The following SMIM15 variants were observed in gnomAD, a reference collection of about 807,000 sequenced individuals.
SMIM15 encodes the protein small integral membrane protein 15.
A neutral mutation model predicts 6.8 loss-of-function variants in SMIM15; 5 were observed. The ratio of observed to expected loss-of-function variants is 0.74; its 90% CI spans 0.39 to 1.56. SMIM15 has a LOEUF of 1.56. SMIM15 is among the 40% of genes most tolerant of loss of function. SMIM15 has a pLI of 0.03. For missense variants in SMIM15, 81 were observed against 84.8 expected, an observed-to-expected ratio of 0.96 and a Z score of 0.18; for synonymous variants, 30 against 30.8, an observed-to-expected ratio of 0.97 and a Z score of 0.09.
intron 2 of SMIM15, among the ~76,000 whole-genome samples, chr5:61,160,714 C>T (rs1490694487): frequency 6.6e-6 from 1 of 152,120 alleles, no homozygotes; most frequent in Non-Finnish European, 1.5e-5. Flanking sequence ...TGACTATTTC[C>T]CCGAATGGGA....
Position 61,162,343 on chromosome 5 carries a change from C to G in SMIM15, c.-295G>C, listed in dbSNP as rs1359045694. On this transcript the variant is annotated 5_prime_UTR_variant, in exon 1 of 3. Coordinates refer to ENST00000339020, the MANE Select transcript of SMIM15 (RefSeq NM_001048249.4). The surrounding 1 kb of genome is among the most constrained non-coding windows in gnomAD (Gnocchi z 4.4). Reference sequence around the variant, plus strand: ...CCTGGGTTGGCCCAGCCACACCTTGCGCCGCCGCCGTTTCTGCTGGACACC... The same window carrying G: ...CCTGGGTTGGCCCAGCCACACCTTGGGCCGCCGCCGTTTCTGCTGGACACC... 9.8e-5 allele frequency: 15 copies of G among 152,702 alleles called. No individual in the cohort carries two copies. The highest frequency in any genetic ancestry group is 2.2e-4 in the Non-Finnish European group (15 of 68,440). 9.5% of individuals were successfully genotyped at this position (152,702 alleles called of 1,614,324 possible).
rs1447371516 is a variant in SMIM15, at chr5:61,158,027, T to TACAC, written c.*1919_*1920insGTGT. ...CACACACACACACACACACACACTG[T>TACAC]AAAGTATGAATCTCACATATATAGA... On this transcript the variant is annotated 3_prime_UTR_variant, in exon 3 of 3. Coordinates refer to ENST00000339020, the MANE Select transcript of SMIM15 (RefSeq NM_001048249.4). The TACAC allele has an allele frequency of 1.8e-5, 1 of 56,984 alleles. No individual in the cohort carries two copies. Among genetic ancestry groups the TACAC allele is most frequent in the Non-Finnish European group, 3.9e-5 (1 of 25,696 alleles). The allele number at this position is 56,984 out of a possible 1,614,324, so 3.5% of individuals were successfully genotyped here.
At position 61,159,618 on chromosome 5, in the gene SMIM15, A is replaced by G. The variant is rs575375888; in HGVS notation, c.*329T>C. ...AATAGAGTTCATTTGAATTGAGTTC[A>G]TAATCTAAAGTCACTTTTCCCCACA... On this transcript the variant is annotated 3_prime_UTR_variant, in exon 3 of 3. Coordinates refer to ENST00000339020, the MANE Select transcript of SMIM15 (RefSeq NM_001048249.4). 1.8e-3 allele frequency: 522 copies of G among 294,480 alleles called. 2 individuals are homozygous for G. The highest frequency in any genetic ancestry group is 2.7e-3 in the Non-Finnish European group (415 of 155,936). The allele number at this position is 294,480 out of a possible 1,614,324, so 18.2% of individuals were successfully genotyped here.
At position 61,162,076 on chromosome 5, in the gene SMIM15, G is replaced by C. The variant is rs1338812383; in HGVS notation, c.-169+141C>G. On this transcript the variant is annotated intron_variant, in intron 1 of 2. Transcript: ENST00000339020. The surrounding 1 kb of genome is among the most constrained non-coding windows in gnomAD (Gnocchi z 4.4). ...AAATCCTACTCTTCCGCCCAAAACG[G>C]ATCGACCAGGCTCGATCTCCCAACC... 6.6e-6 allele frequency: 1 copy of C among 152,294 alleles called. No homozygotes were observed. Among genetic ancestry groups the C allele is most frequent in the East Asian group, 1.9e-4 (1 of 5,194 alleles). 9.4% of individuals were successfully genotyped at this position (152,294 alleles called of 1,614,324 possible).
chr5:61,160,319 G>C, intron 2 of SMIM15, 120 bp from the exon 3 acceptor site: 1 of 720,052 alleles, frequency 1.4e-6, no homozygotes, highest in Non-Finnish European at 2.3e-6. Context: ...TTATCACTCA[G>C]TTTGCTTTTT....
In SMIM15 at chr5:61,160,161, A is replaced by C. The variant is rs1170797031; in HGVS notation, c.11T>G (p.Ile4Arg). 9 of 1,613,616 alleles carry C rather than the reference A, an allele frequency of 5.6e-6. No homozygotes were observed. The highest frequency in any genetic ancestry group is 7.6e-6 in the Non-Finnish European group (9 of 1,179,818). MFD[I>R]KAWAEYVVEW... ...CACAACATACTCAGCCCAAGCCTTT[A>C]TATCAAACATCTTCACAGCAGTCTT... The change falls in exon 3 of 3, where the codon ATA becomes AGA. Residue 4 changes from isoleucine (I) to arginine (R), a missense_variant. Physicochemically the swap from Ile to Arg is moderately conservative, Grantham distance 97. Transcript: ENST00000339020.
chr5:61,160,855 C>G (rs1741402816), intron 2 of SMIM15, among the ~76,000 whole-genome samples: 1 of 152,108 alleles, frequency 6.6e-6, no homozygotes, highest in Non-Finnish European at 1.5e-5. Context: ...GAGAAAGTAG[C>G]CTTAACAGAT....
Position 61,162,098 on chromosome 5 carries a change from A to G in SMIM15, c.-169+119T>C, listed in dbSNP as rs1741430299. On this transcript the variant is annotated intron_variant, in intron 1 of 2. Transcript: ENST00000339020. The surrounding 1 kb of genome is among the most constrained non-coding windows in gnomAD (Gnocchi z 4.4). The stretch of plus-strand genomic sequence containing the variant: ...ACGGATCGACCAGGCTCGATCTCCC[A>G]ACCAGACCCGCGTGGCCCCTGCGGC... The G allele has an allele frequency of 6.6e-6, 1 of 152,350 alleles. No individual in the cohort carries two copies. Among genetic ancestry groups the G allele is most frequent in the African/African-American group, 2.4e-5 (1 of 41,436 alleles). 9.4% of individuals were successfully genotyped at this position (152,350 alleles called of 1,614,324 possible).
Position 61,159,809 on chromosome 5 carries a change from A to T in SMIM15, c.*138T>A, listed in dbSNP as rs1237481778. 3 of 971,810 alleles carry T rather than the reference A, an allele frequency of 3.1e-6. No individual in the cohort carries two copies. In the African/African-American group the frequency reaches 4.9e-5, roughly 16 times the overall value. 60.2% of individuals were successfully genotyped at this position (971,810 alleles called of 1,614,324 possible). A position where few individuals can be genotyped will look rare whatever the true frequency, so the allele number is the denominator to read the frequency against. ...CTATAGTATTGAGGTCAGAACTAAC[A>T]TGATTCTTCCATTTGGTCAAATTTC... On this transcript the variant is annotated 3_prime_UTR_variant, in exon 3 of 3. Transcript: ENST00000339020.
chr5:61,159,897 G>A lies in SMIM15; in HGVS notation c.*50C>T. 2 of 1,588,188 alleles carry A rather than the reference G, an allele frequency of 1.3e-6. No homozygotes were observed. Among genetic ancestry groups the A allele is most frequent in the Non-Finnish European group, 1.7e-6 (2 of 1,162,610 alleles). Reference sequence around the variant, plus strand: ...AACTTTAGTGGATTCTTCCAAAGCTGTGTAATTTTCCAAATGATTTTCCTC... The same window carrying A: ...AACTTTAGTGGATTCTTCCAAAGCTATGTAATTTTCCAAATGATTTTCCTC... On this transcript the variant is annotated 3_prime_UTR_variant, in exon 3 of 3. Transcript: ENST00000339020.
Position 61,160,044 on chromosome 5 carries a change from T to C in SMIM15, c.128A>G (p.Lys43Arg). 2 of 1,614,198 alleles carry C rather than the reference T, an allele frequency of 1.2e-6. No homozygotes were observed. Among genetic ancestry groups the C allele is most frequent in the Non-Finnish European group, 8.5e-7 (1 of 1,180,010 alleles). The change falls in exon 3 of 3, where the codon AAA (lysine) becomes AGA (arginine). Residue 43 changes from lysine to arginine, a missense_variant. By Grantham distance (26) the Lys-to-Arg change is conservative. Coordinates refer to ENST00000339020, the MANE Select transcript of SMIM15 (RefSeq NM_001048249.4). ...CCTGGCCTCAATCATCTTGGCCAAT[T>C]TCCAAGACAGTACAGCACTTGCTAG... Reference protein sequence around the residue: ...LFLASAVLSWKLAKMIEAREK... With the variant: ...LFLASAVLSWRLAKMIEAREK...
chr5:61,162,010 A>G lies in SMIM15; in HGVS notation c.-169+207T>C, dbSNP rs149641577. 15 of 152,434 alleles carry G rather than the reference A, an allele frequency of 9.8e-5. No homozygotes were observed. The highest frequency in any genetic ancestry group is 3.9e-4 in the East Asian group (2 of 5,180). 9.4% of individuals were successfully genotyped at this position (152,434 alleles called of 1,614,324 possible). ...AGGCCACACATCTCCCTGCAACTCA[A>G]CTTCGGACCCAAACGCTCGCGCCTC... On this transcript the variant is annotated intron_variant, in intron 1 of 2. Transcript: ENST00000339020. The surrounding 1 kb of genome is among the most constrained non-coding windows in gnomAD (Gnocchi z 4.4).
rs1741434495 is a variant in SMIM15 at position 61,162,222 on chromosome 5, C to T, written c.-174G>A. The T allele has an allele frequency of 6.6e-6, 1 of 152,524 alleles. No homozygotes were observed. The highest frequency in any genetic ancestry group is 1.5e-5 in the Non-Finnish European group (1 of 68,258). The allele number at this position is 152,524 out of a possible 1,614,324, so 9.4% of individuals were successfully genotyped here. A position where few individuals can be genotyped will look rare whatever the true frequency, so the allele number is the denominator to read the frequency against. ...GCTCACTCTTCCCTCCTTACCCTAT[C>T]GGGGCTGCAGACCCACGGAGGCCAC... is the stretch of plus-strand genomic sequence containing the variant. On this transcript the variant is annotated 5_prime_UTR_variant, in exon 1 of 3. Transcript: ENST00000339020. This position sits in a 1 kb window ranked among gnomAD's most constrained non-coding sequence, Gnocchi z 4.4.
rs534244797 is a variant in SMIM15, at chr5:61,159,260, T to C, written c.*687A>G. 2 of 152,808 alleles carry C rather than the reference T, an allele frequency of 1.3e-5. No homozygotes were observed. The highest frequency in any genetic ancestry group is 1.3e-4 in the Admixed American group (2 of 15,288). The allele number at this position is 152,808 out of a possible 1,614,324, so 9.5% of individuals were successfully genotyped here. ...CCATCTCTAAGAAAATGGCAGTGTT[T>C]GTGAGTACAAAAATTGTTCTGTCCA... On this transcript the variant is annotated 3_prime_UTR_variant, in exon 3 of 3. Transcript: ENST00000339020.
intron 2 of SMIM15, among the ~76,000 whole-genome samples, chr5:61,160,784 T>C (rs949927784): frequency 2.0e-5 from 3 of 152,196 alleles, no homozygotes; most frequent in Admixed American, 2.0e-4. Flanking sequence ...AAAAGTACTG[T>C]GCTATTTTAT....
At chr5:61,160,490 C>T (rs542610344) in intron 2 of SMIM15, among the ~76,000 whole-genome samples, 2 of 152,332 alleles carry the variant, frequency 1.3e-5, no homozygotes, top group South Asian at 4.1e-4. Context: ...TGCATTCTCA[C>T]ATGCCTCCTA....
rs776251109 is a variant in SMIM15, at chr5:61,159,896, T to G, written c.*51A>C. The G allele has an allele frequency of 6.3e-7, 1 of 1,587,022 alleles. No individual in the cohort carries two copies. The highest frequency in any genetic ancestry group is 8.6e-7 in the Non-Finnish European group (1 of 1,161,648). ...AAACTTTAGTGGATTCTTCCAAAGC[T>G]GTGTAATTTTCCAAATGATTTTCCT... On this transcript the variant is annotated 3_prime_UTR_variant, in exon 3 of 3. Transcript: ENST00000339020.
chr5:61,162,428 A>T lies in SMIM15; in HGVS notation c.-380T>A, dbSNP rs1042157955. The T allele has an allele frequency of 6.6e-6, 1 of 152,338 alleles. No homozygotes were observed. Among genetic ancestry groups the T allele is most frequent in the Non-Finnish European group, 1.5e-5 (1 of 68,144 alleles). The allele number at this position is 152,338 out of a possible 1,614,324, so 9.4% of individuals were successfully genotyped here. A position where few individuals can be genotyped will look rare whatever the true frequency, so the allele number is the denominator to read the frequency against. On this transcript the variant is annotated 5_prime_UTR_variant, in exon 1 of 3. Transcript: ENST00000339020. This position sits in a 1 kb window ranked among gnomAD's most constrained non-coding sequence, Gnocchi z 4.4. ...CCCCTACATAGCCCCACGGGATCGG[A>T]TCCCACTCCCCACTCACCGCCAGAC...
In SMIM15 at chr5:61,159,075, A is replaced by C. The variant is rs963036952; in HGVS notation, c.*872T>G. The C allele has an allele frequency of 2.0e-5, 3 of 152,312 alleles. No homozygotes were observed. The allele number at this position is 152,312 out of a possible 1,614,324, so 9.4% of individuals were successfully genotyped here. A position where few individuals can be genotyped will look rare whatever the true frequency, so the allele number is the denominator to read the frequency against. ...CACATGAGTTAAAACAAAGAATGAAATAAAAAACAAATGGTGTCTTTGTAA... is the reference window on the plus strand; with the variant it reads ...CACATGAGTTAAAACAAAGAATGAACTAAAAAACAAATGGTGTCTTTGTAA... On this transcript the variant is annotated 3_prime_UTR_variant, in exon 3 of 3. Coordinates refer to ENST00000339020, the MANE Select transcript of SMIM15 (RefSeq NM_001048249.4).
Sources: gnomAD v4.1 joint callset for allele counts (sites outside exome capture counted in the v4.1 genomes callset) on GRCh38, gnomAD v4.1.1 for gene constraint, Gnocchi (gnomAD v3.1) non-coding constraint, MANE v1.5 for transcripts, NCBI Gene and HGNC (gene_info 2026-07-23, HGNC 2026-07-21) for gene names.